PTGIS: variants seen among roughly 807,000 people sequenced by gnomAD.
PTGIS encodes the protein prostacyclin synthase.
A neutral mutation model predicts 50.3 loss-of-function variants in PTGIS; 45 were observed. The observed-to-expected ratio is 0.90, with a 90% CI of 0.70 to 1.15. PTGIS has a LOEUF of 1.15. Among genes scored for constraint, PTGIS ranks in the 50% most tolerant of loss-of-function variants. The pLI is 0.00. For synonymous variants in PTGIS, 260 were observed against 267.7 expected (o/e 0.97, Z 0.28); for missense variants, 668 against 661.3 (o/e 1.01, Z -0.11).
intron 5 of PTGIS, among the ~76,000 whole-genome samples, chr20:49,530,916 C>T (rs553803271): frequency 2.1e-4 from 32 of 152,262 alleles, no homozygotes; most frequent in African/African-American, 6.3e-4. Context: ...TGCACCACCA[C>T]GCCCAGCTAA....
intron 5 of PTGIS, among the ~76,000 whole-genome samples, chr20:49,536,478 CTTTTTT>C (rs761478359): frequency 9.2e-6 from 1 of 108,662 alleles, no homozygotes; most frequent in Non-Finnish European, 1.8e-5. Context: ...TTCTTTCTTT[CTTTTTT>C]TTTTTTTTTT....
intron 9 of PTGIS, 134 bp from the exon 10 acceptor site, chr20:49,508,198 G>A: frequency 9.1e-7 from 1 of 1,097,594 alleles, no homozygotes; most frequent in Non-Finnish European, 1.3e-6. Context: ...GAGTGAGGAA[G>A]TAGAAGAAAC....
chr20:49,534,929 C>T (rs1982032055), intron 5 of PTGIS, among the ~76,000 whole-genome samples: 1 of 152,144 alleles, frequency 6.6e-6, no homozygotes, highest in Non-Finnish European at 1.5e-5. Context: ...TCGCTTGAGC[C>T]TGGGAGGTCA....
chr20:49,528,522 G>T (rs1568674600), intron 5 of PTGIS, among the ~76,000 whole-genome samples: 1 of 151,828 alleles, frequency 6.6e-6, no homozygotes, highest in Non-Finnish European at 1.5e-5. Context: ...CAGGAGGCTG[G>T]GGCAGGAGAA....
At chr20:49,557,715 C>T (rs1568686039) in intron 1 of PTGIS, among the ~76,000 whole-genome samples, 2 of 152,262 alleles carry the variant, frequency 1.3e-5, no homozygotes, top group Middle Eastern at 3.4e-3. Context: ...TCCTACTATT[C>T]CTAAGCAGAT....
chr20:49,537,875 G>T (rs1306004172), intron 5 of PTGIS, among the ~76,000 whole-genome samples: 2 of 152,122 alleles, frequency 1.3e-5, no homozygotes, highest in African/African-American at 4.8e-5. Flanking sequence ...CTCCAAATGG[G>T]GGACTACTCA....
intron 4 of PTGIS, among the ~76,000 whole-genome samples, chr20:49,541,896 A>C (rs889581696): frequency 6.6e-6 from 1 of 152,166 alleles, no homozygotes; most frequent in Admixed American, 6.5e-5. Context: ...CACGACCCAC[A>C]GGCGGCGCTA....
intron 6 of PTGIS, among the ~76,000 whole-genome samples, chr20:49,519,855 C>T (rs1048773308): frequency 6.6e-5 from 10 of 152,090 alleles, no homozygotes; most frequent in Non-Finnish European, 1.3e-4. Context: ...ATCCTGTTGG[C>T]TTTACTTTGA....
chr20:49,517,576 T>C (rs1174639189), intron 6 of PTGIS, among the ~76,000 whole-genome samples: 1 of 152,146 alleles, frequency 6.6e-6, no homozygotes, highest in Non-Finnish European at 1.5e-5. Context: ...CACTTCTTGT[T>C]TGTCTTCATT....
At chr20:49,562,386 G>A in intron 1 of PTGIS, among the ~76,000 whole-genome samples, 1 of 152,190 alleles carries the variant, frequency 6.6e-6, no homozygotes, top group East Asian at 1.9e-4. Context: ...AAAGTCCCAA[G>A]GAGGCGCAGA....
rs1981104924 is a variant in PTGIS, at chr20:49,504,988, T to G, written c.*2932A>C. ...AAATCCAAAAATTAGCCGGGTGTGG[T>G]GGCGGGTGCCTGTAGTCCCAGCTAC... On this transcript the variant is annotated 3_prime_UTR_variant, in exon 10 of 10. Transcript: ENST00000244043. 1 of 151,914 alleles carries G rather than the reference T, an allele frequency of 6.6e-6. No homozygotes were observed. Among genetic ancestry groups the G allele is most frequent in the African/African-American group, 2.4e-5 (1 of 41,344 alleles). 9.4% of individuals were successfully genotyped at this position (151,914 alleles called of 1,614,324 possible).
rs973694801 is a variant in PTGIS, at chr20:49,507,856, GAGGCTGGGGC to G, written c.*54_*63del. Reference sequence around the variant, plus strand: ...GCCAACTGTGCACACAGAAAGCTGGGAGGCTGGGGCAGGCTGGGGCAGGCTGGGCAGAGGC... The same window carrying G: ...GCCAACTGTGCACACAGAAAGCTGGGAGGCTGGGGCAGGCTGGGCAGAGGC... On this transcript the variant is annotated 3_prime_UTR_variant, in exon 10 of 10. Transcript: ENST00000244043. The G allele has an allele frequency of 9.7e-5, 155 of 1,599,442 alleles. No homozygotes were observed. The highest frequency in any genetic ancestry group is 6.5e-4 in the African/African-American group (49 of 75,002).
At chr20:49,519,680 T>C (rs1383267594) in intron 6 of PTGIS, among the ~76,000 whole-genome samples, 1 of 151,896 alleles carries the variant, frequency 6.6e-6, no homozygotes, top group East Asian at 1.9e-4. Flanking sequence ...CCCATCTCCA[T>C]CTCAAATTCA....
rs370548555 is a variant in PTGIS at position 49,507,889 on chromosome 20, G to A, written c.*31C>T. On this transcript the variant is annotated 3_prime_UTR_variant, in exon 10 of 10. Coordinates refer to ENST00000244043, the MANE Select transcript of PTGIS (RefSeq NM_000961.4). The stretch of plus-strand genomic sequence containing the variant: ...GGCAGGCTGGGGCAGGCTGGGCAGA[G>A]GCGAGCACGTGGATCCATCTGCTCC... 1 of 1,607,030 alleles carries A rather than the reference G, an allele frequency of 6.2e-7. No individual in the cohort carries two copies. Among genetic ancestry groups the A allele is most frequent in the Non-Finnish European group, 8.5e-7 (1 of 1,179,954 alleles).
In PTGIS at chr20:49,507,034, A is replaced by G. The variant is rs1981171422; in HGVS notation, c.*886T>C. 2.0e-5 allele frequency: 3 copies of G among 152,254 alleles called. No individual in the cohort carries two copies. Among genetic ancestry groups the G allele is most frequent in the Admixed American group, 1.3e-4 (2 of 15,290 alleles). The allele number at this position is 152,254 out of a possible 1,614,324, so 9.4% of individuals were successfully genotyped here. On this transcript the variant is annotated 3_prime_UTR_variant, in exon 10 of 10. Coordinates refer to ENST00000244043, the MANE Select transcript of PTGIS (RefSeq NM_000961.4). ...ACAACTAAGGCATTTTTTTAAGTGAAGTCCAAACAAAACACGTCTGCAGAC... is the reference window on the plus strand; with the variant it reads ...ACAACTAAGGCATTTTTTTAAGTGAGGTCCAAACAAAACACGTCTGCAGAC...
intron 5 of PTGIS, among the ~76,000 whole-genome samples, chr20:49,537,668 T>G (rs1982115310): frequency 6.6e-6 from 1 of 152,136 alleles, no homozygotes; most frequent in African/African-American, 2.4e-5. Flanking sequence ...GGCAGGAGAA[T>G]TGCTTGACCC....
chr20:49,520,845 A>T lies in PTGIS; in HGVS notation c.855+3213T>A, dbSNP rs561367464. ...TCACGCCCAGCTTTTCTACAAAAAAAATAAGGTAGTTTTTGCAGAGATGGG... is the reference window on the plus strand; with the variant it reads ...TCACGCCCAGCTTTTCTACAAAAAATATAAGGTAGTTTTTGCAGAGATGGG... On this transcript the variant is annotated intron_variant, in intron 6 of 9. Transcript: ENST00000244043. 5.9e-5 allele frequency among the ~76,000 whole-genome samples: 9 copies of T among 151,958 alleles called. No individual in the cohort carries two copies. In the South Asian group the frequency reaches 1.7e-3, roughly 28 times the overall value.
At chr20:49,541,294 C>T (rs1224836872) in intron 4 of PTGIS, among the ~76,000 whole-genome samples, 1 of 152,070 alleles carries the variant, frequency 6.6e-6, no homozygotes, top group African/African-American at 2.4e-5. Context: ...CTGCGGTACT[C>T]CCAAGGCCCT....
chr20:49,522,704 A>C (rs1028127276), intron 6 of PTGIS, among the ~76,000 whole-genome samples: 2 of 152,178 alleles, frequency 1.3e-5, no homozygotes, highest in African/African-American at 4.8e-5. Flanking sequence ...AATGAGAAAC[A>C]ATGAAACGCA....
Sources: gnomAD v4.1 joint callset for allele counts (sites outside exome capture counted in the v4.1 genomes callset) on GRCh38, gnomAD v4.1.1 for gene constraint, MANE v1.5 for transcripts, NCBI Gene and HGNC (gene_info 2026-07-23, HGNC 2026-07-21) for gene names.